Variants in XPO4 observed in about 807,000 individuals in gnomAD.
XPO4 encodes the protein exportin-4.
XPO4 carries 39 observed loss-of-function variants against 143.0 expected under a neutral mutation model. That is an observed-to-expected ratio of 0.27 (90% CI 0.21 to 0.36). XPO4 has a LOEUF of 0.36. Ranked by LOEUF, XPO4 falls within the 10% of genes least tolerant of loss-of-function variation. The probability of loss-of-function intolerance (pLI) is 1.00; values close to 1 mark genes in which losing one functional copy is unlikely to be tolerated. For synonymous variants in XPO4, 439 were observed against 474.0 expected (o/e 0.93, Z 0.96); for missense variants, 907 against 1,348.0 (o/e 0.67, Z 5.12).
At chr13:20,898,426 G>A (rs2060589161) in intron 1 of XPO4, among the ~76,000 whole-genome samples, 2 of 152,260 alleles carry the variant, frequency 1.3e-5, no homozygotes, top group South Asian at 2.1e-4. Context: ...TTACCCAGGC[G>A]TGGTGCCAGG....
At chr13:20,831,792 T>C (rs2059854737) in intron 6 of XPO4, among the ~76,000 whole-genome samples, 1 of 149,148 alleles carries the variant, frequency 6.7e-6, no homozygotes, top group Non-Finnish European at 1.5e-5. Context: ...AATCAGGACA[T>C]TTAGTACAGT....
intron 3 of XPO4, chr13:20,859,726 G>C (rs561481668): frequency 1.4e-5 from 5 of 363,478 alleles, no homozygotes; most frequent in African/African-American, 8.9e-5. Context: ...GCAGTGAGCA[G>C]AGATCACGCC....
intron 1 of XPO4, among the ~76,000 whole-genome samples, chr13:20,882,466 C>G (rs1459409682): frequency 1.3e-5 from 2 of 152,202 alleles, no homozygotes; most frequent in Non-Finnish European, 2.9e-5. Context: ...CAGAGGGAGG[C>G]ACCATGCCAT....
At chr13:20,821,310 CAA>C (rs11414490) in intron 9 of XPO4, among the ~76,000 whole-genome samples, 3 of 142,632 alleles carry the variant, frequency 2.1e-5, no homozygotes, top group Non-Finnish European at 3.1e-5. Flanking sequence ...AAAAAATTCT[CAA>C]AAAAAAAAAA....
chr13:20,867,544 G>A (rs1595145533), intron 2 of XPO4, among the ~76,000 whole-genome samples: 1 of 152,134 alleles, frequency 6.6e-6, no homozygotes, highest in African/African-American at 2.4e-5. Context: ...AGAGGCCCAG[G>A]GAGGTGAACT....
At chr13:20,872,075 G>A (rs994288958) in intron 1 of XPO4, among the ~76,000 whole-genome samples, 3 of 152,082 alleles carry the variant, frequency 2.0e-5, no homozygotes, top group Admixed American at 1.3e-4. Context: ...CAGACAGTCC[G>A]GGAAACCTTT....
At chr13:20,810,079 C>A in intron 9 of XPO4, 112 bp from the exon 10 acceptor site, 2 of 838,200 alleles carry the variant, frequency 2.4e-6, no homozygotes, top group Non-Finnish European at 3.3e-6. Flanking sequence ...CAGAGCTTCC[C>A]AATTATTGAT....
At position 20,780,008 on chromosome 13, in the gene XPO4, T is replaced by C. The variant is rs2059122729; in HGVS notation, c.*3714A>G. On this transcript the variant is annotated 3_prime_UTR_variant, in exon 23 of 23. Coordinates refer to ENST00000255305, the MANE Select transcript of XPO4 (RefSeq NM_022459.5). ...AGTCAGAGAATAACCACTTATATTTTAAAAAGATTAAAACATTATTATATC... is the reference window on the plus strand; with the variant it reads ...AGTCAGAGAATAACCACTTATATTTCAAAAAGATTAAAACATTATTATATC... 1 of 152,186 alleles carries C rather than the reference T, an allele frequency of 6.6e-6. No homozygotes were observed. Among genetic ancestry groups the C allele is most frequent in the South Asian group, 2.1e-4 (1 of 4,830 alleles). The allele number at this position is 152,186 out of a possible 1,614,324, so 9.4% of individuals were successfully genotyped here.
chr13:20,804,474 T>G (rs1485297060), intron 13 of XPO4, among the ~76,000 whole-genome samples: 1 of 147,410 alleles, frequency 6.8e-6, no homozygotes, highest in Non-Finnish European at 1.5e-5. Flanking sequence ...ATAACATTGC[T>G]GCTTATGCTA....
At chr13:20,893,126 AGCGACT>A (rs989688021) in intron 1 of XPO4, among the ~76,000 whole-genome samples, 1 of 152,180 alleles carries the variant, frequency 6.6e-6, no homozygotes, top group Non-Finnish European at 1.5e-5. Flanking sequence ...GAAGAGAAAA[AGCGACT>A]GGAAAAGAGT....
At chr13:20,805,529 C>A (rs868065559) in intron 13 of XPO4, among the ~76,000 whole-genome samples, 7 of 152,110 alleles carry the variant, frequency 4.6e-5, no homozygotes, top group African/African-American at 7.2e-5. Flanking sequence ...GCTCTCCCCC[C>A]AGACACCTTC....
chr13:20,852,215 A>C (rs539678065), intron 4 of XPO4: 2 of 985,300 alleles, frequency 2.0e-6, no homozygotes, highest in Admixed American at 1.2e-4. Flanking sequence ...AATGTTCCTC[A>C]AGTTTAAATC....
At chr13:20,866,020 G>C in intron 2 of XPO4, 1 of 984,342 alleles carries the variant, frequency 1.0e-6, no homozygotes, top group Non-Finnish European at 1.2e-6. Flanking sequence ...CCCTGAGAAA[G>C]AGTAAAAGAA....
At chr13:20,799,914 G>A (rs1257320359) in intron 15 of XPO4, among the ~76,000 whole-genome samples, 1 of 152,108 alleles carries the variant, frequency 6.6e-6, no homozygotes, top group Non-Finnish European at 1.5e-5. Context: ...TACTCATAGG[G>A]CTTTGATGCC....
intron 4 of XPO4, chr13:20,850,702 C>T: frequency 1.4e-6 from 1 of 709,862 alleles, no homozygotes; most frequent in Non-Finnish European, 1.7e-6. Context: ...GTGATCGAGG[C>T]AGCAGTGAGT....
intron 6 of XPO4, among the ~76,000 whole-genome samples, chr13:20,834,645 T>TAAA (rs5802089): frequency 1.2e-4 from 18 of 144,348 alleles, no homozygotes; most frequent in African/African-American, 4.3e-4. Flanking sequence ...TTGAAAGAAA[T>TAAA]AAAAAAAAAA....
intron 4 of XPO4, among the ~76,000 whole-genome samples, chr13:20,855,091 T>G (rs925191297): frequency 1.3e-5 from 2 of 152,212 alleles, no homozygotes; most frequent in Non-Finnish European, 2.9e-5. Context: ...TGAATATTTA[T>G]GGCAACATGG....
chr13:20,833,387 G>GCTCTGATATAAATCCAGAGT (rs2059876516), intron 6 of XPO4, among the ~76,000 whole-genome samples: 1 of 152,074 alleles, frequency 6.6e-6, no homozygotes, highest in African/African-American at 2.4e-5. Context: ...ATCCACAGAT[G>GCTCTGATATAAATCCAGAGT]CTCTGATATA....
intron 2 of XPO4, among the ~76,000 whole-genome samples, chr13:20,864,378 ATAG>A (rs2060226809): frequency 6.6e-6 from 1 of 152,172 alleles, no homozygotes; most frequent in Non-Finnish European, 1.5e-5. Flanking sequence ...TTCTACTGCA[ATAG>A]TAAAAATTTT....
Sources: gnomAD v4.1 joint callset for allele counts (sites outside exome capture counted in the v4.1 genomes callset) on GRCh38, gnomAD v4.1.1 for gene constraint, MANE v1.5 for transcripts, NCBI Gene and HGNC (gene_info 2026-07-23, HGNC 2026-07-21) for gene names.